The following TCERG1L variants were observed in gnomAD, a reference collection of about 807,000 sequenced individuals.
TCERG1L encodes the protein transcription elongation regulator 1-like protein.
A neutral mutation model predicts 56.3 loss-of-function variants in TCERG1L; 37 were observed. The observed-to-expected ratio is 0.66, with a 90% CI of 0.51 to 0.87. TCERG1L has a LOEUF of 0.87. Ranked by LOEUF, TCERG1L falls within the 40% of genes least tolerant of loss-of-function variation. The pLI, the probability that TCERG1L is intolerant of heterozygous loss-of-function variation, is 0.00. For synonymous variants in TCERG1L, 324 were observed against 326.3 expected (o/e 0.99, Z 0.08); for missense variants, 799 against 774.2 (o/e 1.03, Z -0.38).
At chr10:131,165,453 A>G (rs950861592) in intron 5 of TCERG1L, among the ~76,000 whole-genome samples, 1 of 152,226 alleles carries the variant, frequency 6.6e-6, no homozygotes, top group African/African-American at 2.4e-5. Context: ...AAGTTTACGA[A>G]TAAAATTTTT....
rs188991294 is a variant in TCERG1L at position 131,113,571 on chromosome 10, C to T, written c.1395+3228G>A. On this transcript the variant is annotated intron_variant, in intron 9 of 11. Transcript: ENST00000368642. The stretch of plus-strand genomic sequence containing the variant: ...CACCCATCTTAGCACAAGGAGAAAT[C>T]GTCACAGCGAAGCCTGCAGGAACCC... Among the ~76,000 whole-genome samples the T allele has an allele frequency of 3.7e-4, 53 of 142,440 alleles. 9 individuals carry two copies. The highest frequency in any genetic ancestry group is 6.3e-4 in the Non-Finnish European group (40 of 63,244). The allele number at this position is 142,440 out of a possible 152,430, so 93.4% of individuals were successfully genotyped here.
chr10:131,138,118 A>C (rs1308857303), intron 7 of TCERG1L, among the ~76,000 whole-genome samples: 1 of 152,098 alleles, frequency 6.6e-6, no homozygotes, highest in Non-Finnish European at 1.5e-5. Flanking sequence ...AAAATACAAA[A>C]ATTAGCCGGG....
At chr10:131,292,433 C>A (rs1846638765) in intron 3 of TCERG1L, among the ~76,000 whole-genome samples, 2 of 152,130 alleles carry the variant, frequency 1.3e-5, no homozygotes, top group Admixed American at 6.6e-5. Flanking sequence ...TGTTACTGTT[C>A]TGTTACATTT....
At chr10:131,223,364 G>C (rs1416717617) in intron 4 of TCERG1L, among the ~76,000 whole-genome samples, 1 of 152,186 alleles carries the variant, frequency 6.6e-6, no homozygotes, top group Non-Finnish European at 1.5e-5. Context: ...CTCCAAGTGG[G>C]TTTCCATCCC....
chr10:131,257,406 T>C (rs964197589), intron 4 of TCERG1L, among the ~76,000 whole-genome samples: 4 of 152,240 alleles, frequency 2.6e-5, no homozygotes, highest in South Asian at 2.1e-4. Flanking sequence ...TTAAGTATTA[T>C]GTGGCATCTT....
chr10:131,210,041 G>C (rs979241011), intron 4 of TCERG1L, among the ~76,000 whole-genome samples: 1 of 152,164 alleles, frequency 6.6e-6, no homozygotes, highest in African/African-American at 2.4e-5. Context: ...TTACAAAAAT[G>C]AATGTTTTTT....
chr10:131,256,992 G>GGAAAGAAAA (rs1846173501), intron 4 of TCERG1L, among the ~76,000 whole-genome samples: 11 of 59,214 alleles, frequency 1.9e-4, no homozygotes, highest in African/African-American at 5.5e-4. Context: ...AAGGAAGGAA[G>GGAAAGAAAA]GAAAGAAAGA....
At chr10:131,213,192 G>A (rs1845634745) in intron 4 of TCERG1L, among the ~76,000 whole-genome samples, 1 of 152,322 alleles carries the variant, frequency 6.6e-6, no homozygotes, top group African/African-American at 2.4e-5. Flanking sequence ...GGTGACCAGA[G>A]GACAAGAGTT....
At position 131,144,187 on chromosome 10, in the gene TCERG1L, G is replaced by A. The variant is rs1032379320; in HGVS notation, c.1189+2319C>T. 1.1e-4 allele frequency among the ~76,000 whole-genome samples: 16 copies of A among 152,024 alleles called. 1 individual carries two copies. Among genetic ancestry groups the A allele is most frequent in the Admixed American group, 6.6e-4 (10 of 15,254 alleles). ...TGCCTCTTGAAAAATAATGGATGTC[G>A]ACTGAAATGCTTAATTGTCCCATTG... is the stretch of plus-strand genomic sequence containing the variant. On this transcript the variant is annotated intron_variant, in intron 7 of 11. Transcript: ENST00000368642.
intron 11 of TCERG1L, among the ~76,000 whole-genome samples, chr10:131,097,545 C>T (rs1845262636): frequency 1.3e-5 from 2 of 152,210 alleles, no homozygotes; most frequent in East Asian, 1.9e-4. Context: ...GACAGGGTTT[C>T]ACCGTGTTAG....
chr10:131,202,407 C>A (rs1011570082), intron 4 of TCERG1L, among the ~76,000 whole-genome samples: 1 of 152,098 alleles, frequency 6.6e-6, no homozygotes, highest in Non-Finnish European at 1.5e-5. Context: ...CATGGTGAAA[C>A]CCCATTACCA....
At chr10:131,222,852 C>T (rs1813919281) in intron 4 of TCERG1L, among the ~76,000 whole-genome samples, 1 of 152,162 alleles carries the variant, frequency 6.6e-6, no homozygotes, top group Admixed American at 6.5e-5. Context: ...CCTCTCCCAG[C>T]CCCAGCTGCC....
At chr10:131,307,808 G>C (rs991804560) in intron 3 of TCERG1L, among the ~76,000 whole-genome samples, 1 of 152,092 alleles carries the variant, frequency 6.6e-6, no homozygotes, top group African/African-American at 2.4e-5. Flanking sequence ...GATCACACAT[G>C]TTCCTGCGTC....
chr10:131,291,395 G>GC (rs1846620470), intron 3 of TCERG1L, among the ~76,000 whole-genome samples: 5 of 82,654 alleles, frequency 6.0e-5, no homozygotes, highest in Admixed American at 1.7e-4. Context: ...TCCATAAACA[G>GC]CATTTCTTTT....
At chr10:131,272,641 G>C (rs1405996102) in intron 3 of TCERG1L, among the ~76,000 whole-genome samples, 1 of 152,178 alleles carries the variant, frequency 6.6e-6, no homozygotes, top group Non-Finnish European at 1.5e-5. Flanking sequence ...CAGTGGGAGA[G>C]ATGACCCTTG....
At chr10:131,270,696 A>G (rs903905749) in intron 3 of TCERG1L, among the ~76,000 whole-genome samples, 6 of 152,228 alleles carry the variant, frequency 3.9e-5, no homozygotes, top group Admixed American at 3.9e-4. Flanking sequence ...CAAACTTGCA[A>G]AAGAGTTTTG....
chr10:131,223,111 T>G (rs1208854395), intron 4 of TCERG1L, among the ~76,000 whole-genome samples: 1 of 152,172 alleles, frequency 6.6e-6, no homozygotes, highest in Non-Finnish European at 1.5e-5. Flanking sequence ...CCGGTCAGCC[T>G]GCACATCAAG....
intron 9 of TCERG1L, among the ~76,000 whole-genome samples, chr10:131,108,120 T>A (rs570650826): frequency 1.2e-4 from 18 of 152,308 alleles, no homozygotes; most frequent in Admixed American, 1.0e-3. Context: ...GTTCTCTAAG[T>A]GGCCGTGGAC....
intron 7 of TCERG1L, among the ~76,000 whole-genome samples, chr10:131,145,360 G>T (rs2133413729): frequency 6.6e-6 from 1 of 152,288 alleles, no homozygotes; most frequent in Non-Finnish European, 1.5e-5. Flanking sequence ...AAATGCAATT[G>T]CCAAATTCAA....
Sources: allele counts gnomAD v4.1 joint callset (sites outside exome capture counted in the v4.1 genomes callset), GRCh38; gene constraint gnomAD v4.1.1; transcripts MANE v1.5; gene names NCBI Gene and HGNC (gene_info 2026-07-23, HGNC 2026-07-21).